Variants in DLGAP2 observed in about 807,000 individuals in gnomAD.
DLGAP2 encodes disks large-associated protein 2.
DLGAP2 carries 26 observed loss-of-function variants against 100.3 expected under a neutral mutation model. The observed-to-expected ratio is 0.26, with a 90% CI of 0.19 to 0.36. The LOEUF (loss-of-function observed/expected upper bound fraction) is 0.36, where lower values mean the gene tolerates loss of function less well. Ranked by LOEUF, DLGAP2 falls within the 10% of genes least tolerant of loss-of-function variation. The pLI, the probability that DLGAP2 is intolerant of heterozygous loss-of-function variation, is 1.00. For synonymous variants in DLGAP2, 886 were observed against 630.1 expected (o/e 1.41, Z -6.08); for missense variants, 1,858 against 1,453.2 (o/e 1.28, Z -4.53).
chr8:798,809 T>C (rs1300457162), intron 1 of DLGAP2, among the ~76,000 whole-genome samples: 2 of 147,410 alleles, frequency 1.4e-5, no homozygotes, highest in African/African-American at 2.5e-5. Flanking sequence ...GGCCAGGTGA[T>C]GGGTGCCTGC....
intron 2 of DLGAP2, among the ~76,000 whole-genome samples, chr8:1,017,550 G>A (rs1452468238): frequency 7.9e-6 from 1 of 127,208 alleles, no homozygotes; most frequent in African/African-American, 3.5e-5. Flanking sequence ...GACAGACGAT[G>A]CCTCCACTGT....
intron 2 of DLGAP2, among the ~76,000 whole-genome samples, chr8:1,174,595 C>T (rs1056038436): frequency 7.2e-5 from 11 of 151,932 alleles, no homozygotes; most frequent in African/African-American, 2.2e-4. Flanking sequence ...TCATTGTCGT[C>T]ATCATCATTA....
chr8:1,626,334 C>T (rs1382403976), intron 6 of DLGAP2, among the ~76,000 whole-genome samples: 3 of 118,716 alleles, frequency 2.5e-5, no homozygotes, highest in Non-Finnish European at 5.3e-5. Flanking sequence ...GTGGGTTGGA[C>T]GGCTGTTCCC....
Position 1,238,778 on chromosome 8 carries a change from TCA to T in DLGAP2, c.74-20070_74-20069del, listed in dbSNP as rs1377754072. Among the ~76,000 whole-genome samples the T allele has an allele frequency of 1.2e-4, 7 of 57,518 alleles. 1 individual carries two copies. Among genetic ancestry groups the T allele is most frequent in the Admixed American group, 4.9e-4 (3 of 6,072 alleles). The allele number at this position is 57,518 out of a possible 152,430, so 37.7% of individuals were successfully genotyped here. A position where few individuals can be genotyped will look rare whatever the true frequency, so the allele number is the denominator to read the frequency against. ...TCACGTGGCGCCGTGTCTAGTTCTC[TCA>T]CATGGTGCCGTGTCTAGTTCTCTCT... On this transcript the variant is annotated intron_variant, in intron 2 of 14. Transcript: ENST00000637795.
At chr8:1,455,426 C>A (rs566142295) in intron 3 of DLGAP2, among the ~76,000 whole-genome samples, 53 of 152,354 alleles carry the variant, frequency 3.5e-4, no homozygotes, top group African/African-American at 1.3e-3. Context: ...TGTCAGGACT[C>A]AGCTGTCGGG....
At chr8:1,052,560 A>G (rs561878087) in intron 2 of DLGAP2, among the ~76,000 whole-genome samples, 1 of 152,318 alleles carries the variant, frequency 6.6e-6, no homozygotes, top group East Asian at 1.9e-4. Flanking sequence ...GGGGACTCAC[A>G]GGCAGGGTCC....
At chr8:1,683,954 G>GTGTGTATATATATATA (rs1450063590) in intron 12 of DLGAP2, among the ~76,000 whole-genome samples, 12 of 74,734 alleles carry the variant, frequency 1.6e-4, no homozygotes, top group South Asian at 5.6e-4. Context: ...ATATATGTGT[G>GTGTGTATATATATATA]TATATATATA....
At chr8:762,743 A>G (rs74325521) in intron 1 of DLGAP2, among the ~76,000 whole-genome samples, 13,672 of 151,950 alleles carry the variant, frequency 0.09, 940 homozygotes, top group East Asian at 0.36. Flanking sequence ...AGTCACCACA[A>G]TCACAGCTCA....
chr8:1,587,354 G>A (rs1003904789), intron 6 of DLGAP2, among the ~76,000 whole-genome samples: 3 of 152,148 alleles, frequency 2.0e-5, no homozygotes, highest in Non-Finnish European at 4.4e-5. Flanking sequence ...TGGTGATCTG[G>A]GGTGAGGCCA....
intron 2 of DLGAP2, among the ~76,000 whole-genome samples, chr8:1,193,693 C>T (rs560468999): frequency 2.0e-4 from 30 of 152,258 alleles, no homozygotes; most frequent in African/African-American, 6.0e-4. Context: ...CTGAGTCTCG[C>T]GTGGCTGGCC....
intron 2 of DLGAP2, among the ~76,000 whole-genome samples, chr8:1,048,254 G>A (rs1400284368): frequency 6.6e-6 from 1 of 152,144 alleles, no homozygotes; most frequent in African/African-American, 2.4e-5. Flanking sequence ...TCCAGCCTCA[G>A]TCCTGTGAGG....
chr8:1,250,156 G>T (rs77972347), intron 2 of DLGAP2, among the ~76,000 whole-genome samples: 2,048 of 152,292 alleles, frequency 0.013, 49 homozygotes, highest in East Asian at 0.055. Flanking sequence ...TGGGATTACA[G>T]GCGTGAGCCA....
At chr8:1,203,224 A>T (rs1429023115) in intron 2 of DLGAP2, among the ~76,000 whole-genome samples, 1 of 152,104 alleles carries the variant, frequency 6.6e-6, no homozygotes, top group East Asian at 1.9e-4. Context: ...GTCCTGCAGC[A>T]CCCACCCCTC....
At chr8:1,545,472 A>G (rs907658757) in intron 4 of DLGAP2, among the ~76,000 whole-genome samples, 1 of 152,200 alleles carries the variant, frequency 6.6e-6, no homozygotes, top group Non-Finnish European at 1.5e-5. Context: ...TTTTCTCTCA[A>G]TGACAAAAAT....
chr8:1,303,125 C>T (rs887185391), intron 3 of DLGAP2, among the ~76,000 whole-genome samples: 30 of 152,116 alleles, frequency 2.0e-4, no homozygotes, highest in African/African-American at 7.0e-4. Flanking sequence ...GGGTGGGGCG[C>T]GGTGGCTCAC....
At chr8:1,091,916 G>C (rs1392574672) in intron 2 of DLGAP2, among the ~76,000 whole-genome samples, 1 of 152,086 alleles carries the variant, frequency 6.6e-6, no homozygotes, top group African/African-American at 2.4e-5. Context: ...CCACATCCCA[G>C]GCTGGGGTGT....
chr8:1,509,325 G>A (rs1383012229), intron 4 of DLGAP2, among the ~76,000 whole-genome samples: 1 of 83,858 alleles, frequency 1.2e-5, no homozygotes, highest in African/African-American at 4.5e-5. Context: ...GCAAGACTCC[G>A]TCCAAAAAAA....
Position 842,967 on chromosome 8 carries a change from G to A in DLGAP2, c.19-64945G>A, listed in dbSNP as rs1485263264. On this transcript the variant is annotated intron_variant, in intron 1 of 14. Coordinates refer to ENST00000637795, the MANE Select transcript of DLGAP2 (RefSeq NM_001346810.2). ...GCTTGTTTTACAGCAGCCGGTGGTA[G>A]TTTTGACTCACTTTGTGGATGTGCC... Among the ~76,000 whole-genome samples the A allele has an allele frequency of 2.0e-5, 3 of 152,218 alleles. No individual in the cohort carries two copies. In the East Asian group the frequency reaches 5.8e-4, roughly 29 times the overall value.
intron 6 of DLGAP2, among the ~76,000 whole-genome samples, chr8:1,571,145 GCA>G (rs1264845740): frequency 4.9e-5 from 6 of 122,022 alleles, no homozygotes; most frequent in South Asian, 3.1e-4. Flanking sequence ...AACTGTGGGG[GCA>G]TCTTCTGGGA....
Sources: gnomAD v4.1 joint callset for allele counts (sites outside exome capture counted in the v4.1 genomes callset) on GRCh38, gnomAD v4.1.1 for gene constraint, MANE v1.5 for transcripts, NCBI Gene and HGNC (gene_info 2026-07-23, HGNC 2026-07-21) for gene names.